Variants in UBE2G2 observed in about 807,000 individuals in gnomAD.
UBE2G2 encodes ubiquitin conjugating enzyme E2 G2.
UBE2G2 carries 10 observed loss-of-function variants against 23.0 expected under a neutral mutation model. That is an observed-to-expected ratio of 0.43 (90% CI 0.27 to 0.74). The LOEUF is 0.74. Ranked by LOEUF, UBE2G2 falls within the 30% of genes least tolerant of loss-of-function variation. The pLI is 0.19. For synonymous variants in UBE2G2, 86 were observed against 81.3 expected (o/e 1.06, Z -0.31); for missense variants, 150 against 218.3 (o/e 0.69, Z 1.97).
At chr21:44,797,264 A>G (rs1472696268) in intron 1 of UBE2G2, among the ~76,000 whole-genome samples, 1 of 152,244 alleles carries the variant, frequency 6.6e-6, no homozygotes, top group African/African-American at 2.4e-5. Flanking sequence ...ATATAATTGA[A>G]ATAACAGATG....
chr21:44,794,170 T>A (rs1192464433), intron 1 of UBE2G2, among the ~76,000 whole-genome samples: 1 of 152,236 alleles, frequency 6.6e-6, no homozygotes, highest in Non-Finnish European at 1.5e-5. Flanking sequence ...AGCCCTGCCC[T>A]ATCCTTGATC....
rs1555964760 is a variant in UBE2G2 at position 44,801,399 on chromosome 21, CT to C, written c.43+306del. On this transcript the variant is annotated intron_variant, in intron 1 of 5. Coordinates refer to ENST00000345496, the MANE Select transcript of UBE2G2 (RefSeq NM_003343.6). ...AAGCTCTCACTGCACGTTCTCAAGG[CT>C]GCCAAGAAAAGAAAAAATAGAAGAG... is the stretch of plus-strand genomic sequence containing the variant. 10 of 1,194,852 alleles carry C rather than the reference CT, an allele frequency of 8.4e-6. No homozygotes were observed. The South Asian group carries it at 3.2e-4, about 38-fold the overall frequency. 74.0% of individuals were successfully genotyped at this position (1,194,852 alleles called of 1,614,324 possible). A position where few individuals can be genotyped will look rare whatever the true frequency, so the allele number is the denominator to read the frequency against.
At chr21:44,774,054 G>C (rs2082894990) in intron 4 of UBE2G2, 1 of 168,670 alleles carries the variant, frequency 5.9e-6, no homozygotes, top group African/African-American at 2.4e-5. Context: ...ATACTTTTCA[G>C]AGCTAGTTCC....
chr21:44,787,444 C>T (rs756894452), intron 3 of UBE2G2, among the ~76,000 whole-genome samples: 48 of 152,110 alleles, frequency 3.2e-4, no homozygotes, highest in Non-Finnish European at 6.2e-4. Context: ...CACGAAGATA[C>T]GAACTGGGAG....
intron 3 of UBE2G2, among the ~76,000 whole-genome samples, chr21:44,781,456 C>A (rs2082955800): frequency 6.6e-6 from 1 of 152,242 alleles, no homozygotes; most frequent in Non-Finnish European, 1.5e-5. Flanking sequence ...GGGCTGCACA[C>A]ACAGCCCCCA....
At chr21:44,789,461 A>G (rs1483298030) in intron 1 of UBE2G2, among the ~76,000 whole-genome samples, 3 of 151,802 alleles carry the variant, frequency 2.0e-5, no homozygotes, top group Non-Finnish European at 4.4e-5. Context: ...AGAGCTATGG[A>G]AATTAAGGCA....
intron 1 of UBE2G2, among the ~76,000 whole-genome samples, chr21:44,796,700 C>T (rs1025032744): frequency 3.9e-5 from 6 of 152,192 alleles, no homozygotes; most frequent in South Asian, 2.1e-4. Flanking sequence ...AGTTTCCAAG[C>T]GTCAGAAGTC....
In UBE2G2 at chr21:44,772,466, C is replaced by T. The variant is rs964250098; in HGVS notation, c.386-977G>A. Among the ~76,000 whole-genome samples, 3 of 150,778 alleles carry T rather than the reference C, an allele frequency of 2.0e-5. No individual in the cohort carries two copies. The highest frequency in any genetic ancestry group is 1.3e-4 in the Admixed American group (2 of 15,114). On this transcript the variant is annotated intron_variant, in intron 5 of 5. Transcript: ENST00000345496. This position sits in a 1 kb window ranked among gnomAD's most constrained non-coding sequence, Gnocchi z 5.4. The stretch of plus-strand genomic sequence containing the variant: ...CTCTGCTGGGTCTGCTCTTTCCTTT[C>T]GGACTTGCCGCCTTCCTTTCCCACA...
At chr21:44,801,402 C>A (rs1336751296) in intron 1 of UBE2G2, 1 of 1,199,490 alleles carries the variant, frequency 8.3e-7, no homozygotes, top group South Asian at 3.2e-5. Flanking sequence ...CTCAAGGCTG[C>A]CAAGAAAAGA....
chr21:44,793,863 A>G (rs1555963287), intron 1 of UBE2G2, among the ~76,000 whole-genome samples: 1 of 152,248 alleles, frequency 6.6e-6, no homozygotes, highest in Non-Finnish European at 1.5e-5. Flanking sequence ...CTATTTGTAA[A>G]AACAAAAAGA....
chr21:44,778,343 C>G (rs1424121645), intron 3 of UBE2G2, among the ~76,000 whole-genome samples: 1 of 152,224 alleles, frequency 6.6e-6, no homozygotes, highest in Non-Finnish European at 1.5e-5. Flanking sequence ...TGTGCTGTGC[C>G]TCATCCCACT....
rs1270197584 is a variant in UBE2G2 at position 44,788,298 on chromosome 21, G to GT, written c.44-204dup. 4.1e-3 allele frequency among the ~76,000 whole-genome samples: 565 copies of GT among 137,464 alleles called. 21 individuals are homozygous for GT. The highest frequency in any genetic ancestry group is 0.013 in the African/African-American group (498 of 37,158). The allele number at this position is 137,464 out of a possible 152,430, so 90.2% of individuals were successfully genotyped here. ...CACAAAGTTTTTTTGTTTTTTTTTT[G>GT]TTTTTTTTTGAGACGGAGTCTCACT... is the stretch of plus-strand genomic sequence containing the variant. On this transcript the variant is annotated intron_variant, in intron 1 of 5. Transcript: ENST00000345496.
At chr21:44,774,198 G>A (rs1555960288) in intron 4 of UBE2G2, 1 of 153,276 alleles carries the variant, frequency 6.5e-6, no homozygotes, top group East Asian at 1.9e-4. Context: ...TCTCTTGGTA[G>A]CTTACTCTAA....
chr21:44,784,572 A>C (rs1178823472), intron 3 of UBE2G2, among the ~76,000 whole-genome samples: 1 of 152,170 alleles, frequency 6.6e-6, no homozygotes, highest in East Asian at 1.9e-4. Flanking sequence ...TAATACTGCC[A>C]AGAGATGCCC....
rs782146391 is a variant in UBE2G2 at position 44,772,016 on chromosome 21, C to T, written c.386-527G>A. 1.2e-4 allele frequency among the ~76,000 whole-genome samples: 18 copies of T among 152,204 alleles called. No individual in the cohort carries two copies. The highest frequency in any genetic ancestry group is 2.4e-4 in the Non-Finnish European group (16 of 68,028). The stretch of plus-strand genomic sequence containing the variant: ...GATACCTGACCCACCCCCTAGCCAG[C>T]GGCACTGGCAGTCACTGCAGAACTG... On this transcript the variant is annotated intron_variant, in intron 5 of 5. Transcript: ENST00000345496. The surrounding 1 kb of genome is among the most constrained non-coding windows in gnomAD (Gnocchi z 5.4).
chr21:44,792,015 C>T (rs570212933), intron 1 of UBE2G2, among the ~76,000 whole-genome samples: 11 of 152,362 alleles, frequency 7.2e-5, no homozygotes, highest in African/African-American at 2.6e-4. Context: ...AGCCGGATTT[C>T]GGACTTGCAT....
chr21:44,797,714 CAAAAA>C (rs60369865), intron 1 of UBE2G2, among the ~76,000 whole-genome samples: 7 of 39,290 alleles, frequency 1.8e-4, no homozygotes, highest in African/African-American at 6.9e-4. Flanking sequence ...AACTCCGTCT[CAAAAA>C]AAAAAAAAAA....
chr21:44,794,569 CT>C (rs1285677604), intron 1 of UBE2G2, among the ~76,000 whole-genome samples: 1 of 145,554 alleles, frequency 6.9e-6, no homozygotes, highest in Non-Finnish European at 1.5e-5. Flanking sequence ...GAGTCTCGCT[CT>C]GTCACCCAGG....
chr21:44,793,290 T>C (rs1477882181), intron 1 of UBE2G2, among the ~76,000 whole-genome samples: 1 of 152,180 alleles, frequency 6.6e-6, no homozygotes, highest in Non-Finnish European at 1.5e-5. Context: ...CGTGGGACCA[T>C]GAAGAAGAGC....
Sources: allele counts gnomAD v4.1 joint callset (sites outside exome capture counted in the v4.1 genomes callset), GRCh38; gene constraint gnomAD v4.1.1; non-coding constraint Gnocchi (gnomAD v3.1); transcripts MANE v1.5; gene names NCBI Gene and HGNC (gene_info 2026-07-23, HGNC 2026-07-21).